The following ARID5B variants were observed in gnomAD, a reference collection of about 807,000 sequenced individuals.
ARID5B encodes the protein AT-rich interaction domain 5B.
In ARID5B, 13 loss-of-function variants were observed where a neutral mutation model predicts 97.2. The observed-to-expected ratio is 0.13, with a 90% CI of 0.09 to 0.21. The LOEUF (loss-of-function observed/expected upper bound fraction) is 0.21. Among genes scored for constraint, ARID5B ranks in the 10% least tolerant of loss-of-function variants. The pLI is 1.00. For synonymous variants in ARID5B, 556 were observed against 570.3 expected (o/e 0.97, Z 0.36); for missense variants, 1,210 against 1,465.3 (o/e 0.83, Z 2.84).
At chr10:61,943,962 T>C (rs1339316143) in intron 3 of ARID5B, among the ~76,000 whole-genome samples, 4 of 152,200 alleles carry the variant, frequency 2.6e-5, no homozygotes, top group African/African-American at 9.6e-5. Context: ...AGAGTTTTCA[T>C]TTAAGACTCT....
At position 62,095,726 on chromosome 10, in the gene ARID5B, C is replaced by T. The variant is rs1406351612; in HGVS notation, c.*2696C>T. ...CATTGAATTCTTCATTGGCTGAGAA[C>T]GACGTTTTAAAATGTCTTAAATAAG... On this transcript the variant is annotated 3_prime_UTR_variant, in exon 10 of 10. Coordinates refer to ENST00000279873, the MANE Select transcript of ARID5B (RefSeq NM_032199.3). The T allele has an allele frequency of 4.3e-6, 1 of 231,968 alleles. No individual in the cohort carries two copies. Among genetic ancestry groups the T allele is most frequent in the African/African-American group, 2.2e-5 (1 of 45,238 alleles). 14.4% of individuals were successfully genotyped at this position (231,968 alleles called of 1,614,324 possible). A position where few individuals can be genotyped will look rare whatever the true frequency, so the allele number is the denominator to read the frequency against.
At chr10:62,003,524 G>T (rs1255913340) in intron 4 of ARID5B, among the ~76,000 whole-genome samples, 1 of 152,160 alleles carries the variant, frequency 6.6e-6, no homozygotes, top group African/African-American at 2.4e-5. Flanking sequence ...TTGGGTAATG[G>T]CTGCCTTCAC....
chr10:61,909,134 AGT>A (rs1316795088), intron 2 of ARID5B, among the ~76,000 whole-genome samples: 2 of 152,156 alleles, frequency 1.3e-5, no homozygotes, highest in Non-Finnish European at 2.9e-5. Context: ...GGGAGCTTAT[AGT>A]CCAGTGGTTG....
At chr10:62,010,295 T>C (rs1235544235) in intron 4 of ARID5B, among the ~76,000 whole-genome samples, 1 of 152,246 alleles carries the variant, frequency 6.6e-6, no homozygotes, top group Non-Finnish European at 1.5e-5. Context: ...AATAATCATC[T>C]TTAACATTTT....
chr10:61,907,924 G>A (rs1262565785), intron 2 of ARID5B, among the ~76,000 whole-genome samples: 1 of 152,216 alleles, frequency 6.6e-6, no homozygotes, highest in East Asian at 1.9e-4. Flanking sequence ...CTGACCCCTG[G>A]CCTATGCGGT....
At chr10:61,968,734 AGT>A (rs1168072366) in intron 3 of ARID5B, among the ~76,000 whole-genome samples, 5 of 152,138 alleles carry the variant, frequency 3.3e-5, no homozygotes, top group Non-Finnish European at 2.9e-5. Flanking sequence ...TCTCATATAC[AGT>A]GTGTTTTAGG....
intron 4 of ARID5B, among the ~76,000 whole-genome samples, chr10:62,044,396 T>A (rs372219281): frequency 1.1e-5 from 1 of 89,004 alleles, no homozygotes. Context: ...TTTTTTTTTT[T>A]AAGAGACAAG....
In ARID5B at chr10:61,917,216, C is replaced by G. The variant is rs184893343; in HGVS notation, c.276+14803C>G. Among the ~76,000 whole-genome samples the G allele has an allele frequency of 1.4e-3, 215 of 152,008 alleles. 1 individual carries two copies. The highest frequency in any genetic ancestry group is 1.3e-3 in the Non-Finnish European group (89 of 67,984). ...AAATAAAATGCTCTTCAGTTTCTAC[C>G]TAGCATTGCTGGGCAGGAATGTCAG... On this transcript the variant is annotated intron_variant, in intron 2 of 9. Coordinates refer to ENST00000279873, the MANE Select transcript of ARID5B (RefSeq NM_032199.3).
At chr10:62,014,496 A>G (rs1380849627) in intron 4 of ARID5B, among the ~76,000 whole-genome samples, 1 of 152,170 alleles carries the variant, frequency 6.6e-6, no homozygotes, top group Non-Finnish European at 1.5e-5. Flanking sequence ...TTTGCTAGGT[A>G]AAAGTGCAAA....
At chr10:62,054,607 GTCT>G (rs1377781242) in intron 5 of ARID5B, among the ~76,000 whole-genome samples, 1 of 152,158 alleles carries the variant, frequency 6.6e-6, no homozygotes, top group Non-Finnish European at 1.5e-5. Flanking sequence ...ACCCCTCTGT[GTCT>G]TCTTTCTGTT....
chr10:62,024,894 C>T (rs959517914), intron 4 of ARID5B: 1 of 345,434 alleles, frequency 2.9e-6, no homozygotes, highest in East Asian at 4.0e-5. Context: ...TAGGAATAGA[C>T]AAGTATCTAA....
intron 2 of ARID5B, among the ~76,000 whole-genome samples, chr10:61,937,265 T>C (rs147184406): frequency 2.3e-4 from 35 of 152,322 alleles, no homozygotes; most frequent in Non-Finnish European, 4.6e-4. Flanking sequence ...GCCTTTATTT[T>C]ATTTTATGAG....
chr10:61,909,794 A>G (rs921982698), intron 2 of ARID5B, among the ~76,000 whole-genome samples: 2 of 152,180 alleles, frequency 1.3e-5, no homozygotes, highest in Non-Finnish European at 1.5e-5. Flanking sequence ...TTTCTCTTCC[A>G]AAGTCTGTAG....
intron 3 of ARID5B, among the ~76,000 whole-genome samples, chr10:61,948,694 A>T (rs1838277793): frequency 1.3e-5 from 2 of 151,954 alleles, no homozygotes; most frequent in Non-Finnish European, 2.9e-5. Flanking sequence ...CATTTAACTC[A>T]TTTATATTGC....
chr10:61,974,265 C>A (rs1298691588), intron 3 of ARID5B, among the ~76,000 whole-genome samples: 1 of 152,198 alleles, frequency 6.6e-6, no homozygotes, highest in Non-Finnish European at 1.5e-5. Flanking sequence ...TGTAATGAGA[C>A]AATGAAGATC....
intron 2 of ARID5B, among the ~76,000 whole-genome samples, chr10:61,939,291 T>C (rs1844358842): frequency 6.6e-6 from 1 of 152,190 alleles, no homozygotes; most frequent in South Asian, 2.1e-4. Context: ...GATGATCTTC[T>C]TGAGCCTTTT....
intron 3 of ARID5B, among the ~76,000 whole-genome samples, chr10:61,989,910 T>A (rs1265003858): frequency 6.6e-6 from 1 of 152,216 alleles, no homozygotes; most frequent in Non-Finnish European, 1.5e-5. Flanking sequence ...TTGATTTGAC[T>A]CTTTAGTGCT....
At chr10:61,934,212 C>T (rs1286109889) in intron 2 of ARID5B, among the ~76,000 whole-genome samples, 2 of 152,176 alleles carry the variant, frequency 1.3e-5, no homozygotes, top group Non-Finnish European at 2.9e-5. Flanking sequence ...AGTTAGGGCC[C>T]TGCTCTGGAT....
In ARID5B at chr10:62,091,455, G is replaced by A. The variant is rs1227208072; in HGVS notation, c.1992G>A (p.Gly664=). 2 of 1,611,460 alleles carry A rather than the reference G, an allele frequency of 1.2e-6. No homozygotes were observed. Among genetic ancestry groups the A allele is most frequent in the South Asian group, 1.1e-5 (1 of 90,730 alleles). ...FDMFKDKDLT[G]PMNENHGLNY... is the part of the protein sequence containing the mutation. ...TGTTCAAAGACAAAGACCTGACTGG[G>A]CCCATGAACGAGAACCATGGACTTA... Residue 664 remains glycine (G), a synonymous_variant, in exon 10 of 10, where the codon GGG becomes GGA. Transcript: ENST00000279873.
Sources: gnomAD v4.1 joint callset for allele counts (sites outside exome capture counted in the v4.1 genomes callset) on GRCh38, gnomAD v4.1.1 for gene constraint, MANE v1.5 for transcripts, NCBI Gene and HGNC (gene_info 2026-07-23, HGNC 2026-07-21) for gene names.